The following CEP112 variants were observed in gnomAD, a reference collection of about 807,000 sequenced individuals.
CEP112 encodes centrosomal protein 112.
CEP112 carries 127 observed loss-of-function variants against 153.0 expected under a neutral mutation model. That is an observed-to-expected ratio of 0.83 (90% confidence interval 0.72 to 0.96). The LOEUF is 0.96. Among genes scored for constraint, CEP112 ranks in the 40% least tolerant of loss-of-function variants. The pLI, the probability that CEP112 is intolerant of heterozygous loss-of-function variation, is 0.00. For missense variants in CEP112, 1,089 were observed against 1,101.2 expected (o/e 0.99, Z 0.16); for synonymous variants, 358 against 374.4 (o/e 0.96, Z 0.51).
At position 65,646,570 on chromosome 17, in the gene CEP112, T is replaced by C. The variant is rs529410350; in HGVS notation, c.2698-5505A>G. Among the ~76,000 whole-genome samples the C allele has an allele frequency of 5.3e-5, 8 of 152,354 alleles. No homozygotes were observed. The East Asian group carries it at 1.5e-3, about 29-fold the overall frequency. ...CCAGGTGTGACTCTCCATGTTTTTA[T>C]ATGGACTTAATCCTTCTGATGACCC... On this transcript the variant is annotated intron_variant, in intron 24 of 26. Coordinates refer to ENST00000535342, the MANE Select transcript of CEP112 (RefSeq NM_001199165.4).
chr17:66,177,561 G>T (rs151140551), intron 2 of CEP112, among the ~76,000 whole-genome samples: 5,190 of 152,188 alleles, frequency 0.034, 132 homozygotes, highest in Middle Eastern at 0.061. Flanking sequence ...CTTCAAGCAT[G>T]TATCCTCTGT....
chr17:65,819,886 TA>T (rs1387826367), intron 21 of CEP112, among the ~76,000 whole-genome samples: 1 of 152,034 alleles, frequency 6.6e-6, no homozygotes, highest in Non-Finnish European at 1.5e-5. Context: ...CATTGGGTCC[TA>T]GAACAACAAG....
At chr17:65,641,587 T>G (rs142255644) in intron 24 of CEP112, among the ~76,000 whole-genome samples, 166 of 152,084 alleles carry the variant, frequency 1.1e-3, no homozygotes, top group Non-Finnish European at 1.9e-3. Flanking sequence ...TCTCTAAAAA[T>G]ATATAAAAAT....
intron 24 of CEP112, chr17:65,655,399 G>A (rs1442828032): frequency 2.0e-6 from 3 of 1,492,254 alleles, no homozygotes; most frequent in Non-Finnish European, 2.8e-6. Flanking sequence ...AAAGAACTAA[G>A]AACAGTACAT....
chr17:65,783,837 C>A (rs2054128641), intron 21 of CEP112, among the ~76,000 whole-genome samples: 1 of 152,222 alleles, frequency 6.6e-6, no homozygotes, highest in South Asian at 2.1e-4. Flanking sequence ...TTTTTCATTA[C>A]ATAAAGTTCC....
intron 21 of CEP112, among the ~76,000 whole-genome samples, chr17:65,830,276 C>T (rs918079965): frequency 1.3e-5 from 2 of 151,290 alleles, no homozygotes; most frequent in South Asian, 4.1e-4. Context: ...ACTCCCTGGG[C>T]CCCCAGAATC....
rs61149542 is a variant in CEP112, at chr17:65,703,165, T to A, written c.2608-13947A>T. On this transcript the variant is annotated intron_variant, in intron 23 of 26. Coordinates refer to ENST00000535342, the MANE Select transcript of CEP112 (RefSeq NM_001199165.4). ...CATGCTAGGTCCAATATGCAGGCAC[T>A]GTGCTGTGGCTGTAACAGCTTTACT... 7.2e-3 allele frequency among the ~76,000 whole-genome samples: 1,097 copies of A among 152,282 alleles called. 16 individuals are homozygous for A. The highest frequency in any genetic ancestry group is 0.025 in the African/African-American group (1,039 of 41,550).
At chr17:66,012,903 T>C (rs1173399824) in intron 16 of CEP112, among the ~76,000 whole-genome samples, 3 of 152,168 alleles carry the variant, frequency 2.0e-5, no homozygotes, top group Non-Finnish European at 4.4e-5. Flanking sequence ...CGTATTTCTC[T>C]GAAGTTGTTT....
At chr17:65,847,334 AG>A (rs1422545456) in intron 21 of CEP112, among the ~76,000 whole-genome samples, 2 of 152,194 alleles carry the variant, frequency 1.3e-5, no homozygotes, top group African/African-American at 4.8e-5. Context: ...CTCTACCTGC[AG>A]AACTCCAATT....
At chr17:66,084,937 AC>A (rs1837810903) in intron 8 of CEP112, among the ~76,000 whole-genome samples, 1 of 152,208 alleles carries the variant, frequency 6.6e-6, no homozygotes, top group African/African-American at 2.4e-5. Context: ...AAATATATAC[AC>A]CTACTATGTA....
intron 21 of CEP112, among the ~76,000 whole-genome samples, chr17:65,790,266 C>G (rs892013408): frequency 2.6e-5 from 4 of 152,064 alleles, no homozygotes; most frequent in African/African-American, 9.7e-5. Flanking sequence ...TCAAGGTTTC[C>G]AATAAACCAA....
chr17:66,089,125 T>G (rs2146231078), intron 8 of CEP112, among the ~76,000 whole-genome samples: 1 of 152,304 alleles, frequency 6.6e-6, no homozygotes, highest in Middle Eastern at 3.4e-3. Context: ...GCCTGGGGAC[T>G]GTAGGAGAGA....
chr17:65,971,415 A>AGCACATATATTGGACGCATGTGATGTAT (rs148309566), intron 17 of CEP112, among the ~76,000 whole-genome samples: 6 of 151,416 alleles, frequency 4.0e-5, no homozygotes, highest in African/African-American at 1.5e-4. Context: ...GCACCCATGC[A>AGCACATATATTGGACGCATGTGATGTAT]GCATGCTGCA....
chr17:66,044,627 T>C (rs895826507), intron 12 of CEP112, among the ~76,000 whole-genome samples: 11 of 152,218 alleles, frequency 7.2e-5, no homozygotes, highest in Non-Finnish European at 1.3e-4. Context: ...GGACAAATAC[T>C]GCATAATTCC....
In CEP112 at chr17:65,851,926, C is replaced by T; in HGVS notation, c.2272G>A (p.Glu758Lys). The part of the protein sequence containing the change: ...LVELGLLREE[E>K]KQRATREHEI... Reference sequence around the variant, plus strand: ...TGTTCCCTTGTAGCCCTTTGCTTTTCCTCTTCACGAAGAAGACCAAGCTCT... The same window carrying T: ...TGTTCCCTTGTAGCCCTTTGCTTTTTCTCTTCACGAAGAAGACCAAGCTCT... Residue 758 changes from glutamate (E) to lysine (K), a missense_variant, in exon 21 of 27, where the codon GAA becomes AAA. Coordinates refer to ENST00000535342, the MANE Select transcript of CEP112 (RefSeq NM_001199165.4). The T allele has an allele frequency of 6.2e-7, 1 of 1,614,134 alleles. No homozygotes were observed.
rs146622982 is a variant in CEP112 at position 66,156,738 on chromosome 17, G to T, written c.470+18306C>A. Among the ~76,000 whole-genome samples, 763 of 152,142 alleles carry T rather than the reference G, an allele frequency of 5.0e-3. 8 individuals are homozygous for T. The highest frequency in any genetic ancestry group is 0.017 in the African/African-American group (722 of 41,542). ...AGCACGAGAACTTCGTGAAGCATAC[G>T]CAAGTATCAATAGCCAAATTGATCA... On this transcript the variant is annotated intron_variant, in intron 4 of 26. Coordinates refer to ENST00000535342, the MANE Select transcript of CEP112 (RefSeq NM_001199165.4).
At chr17:66,041,870 C>A (rs115089017) in intron 12 of CEP112, among the ~76,000 whole-genome samples, 2,480 of 152,198 alleles carry the variant, frequency 0.016, 64 homozygotes, top group African/African-American at 0.056. Context: ...TATATAGATA[C>A]CCCACCCTCA....
At chr17:66,048,206 C>A in intron 12 of CEP112, among the ~76,000 whole-genome samples, 1 of 151,782 alleles carries the variant, frequency 6.6e-6, no homozygotes. Flanking sequence ...GGAAAGGGCC[C>A]AGAATGGCCA....
At chr17:65,726,338 C>CAA (rs143814581) in intron 23 of CEP112, among the ~76,000 whole-genome samples, 29 of 148,880 alleles carry the variant, frequency 1.9e-4, no homozygotes, top group Admixed American at 1.8e-3. Flanking sequence ...GACTCCATCT[C>CAA]AAAAAAAAAA....
Sources: gnomAD v4.1 joint callset for allele counts (sites outside exome capture counted in the v4.1 genomes callset) on GRCh38, gnomAD v4.1.1 for gene constraint, MANE v1.5 for transcripts, NCBI Gene and HGNC (gene_info 2026-07-23, HGNC 2026-07-21) for gene names.